Variants in RNF144A observed in about 807,000 individuals in gnomAD.
RNF144A encodes the protein E3 ubiquitin-protein ligase RNF144A.
Under a neutral mutation model 38.7 loss-of-function variants are expected in RNF144A, and 11 were observed. The ratio of observed to expected loss-of-function variants is 0.28; its 90% CI spans 0.18 to 0.47. The LOEUF is 0.47. Ranked by LOEUF, RNF144A falls within the 20% of genes least tolerant of loss-of-function variation. The pLI, the probability that RNF144A is intolerant of heterozygous loss-of-function variation, is 0.99. For missense variants in RNF144A, 316 were observed against 377.2 expected (o/e 0.84, Z 1.34); for synonymous variants, 149 against 143.9 (o/e 1.04, Z -0.25).
intron 1 of RNF144A, among the ~76,000 whole-genome samples, chr2:6,935,235 C>A (rs779702858): frequency 2.0e-5 from 3 of 152,208 alleles, no homozygotes; most frequent in African/African-American, 4.8e-5. Flanking sequence ...ATCTGCATAG[C>A]GGGCCATTTC....
chr2:6,995,976 GC>G (rs35264046), intron 2 of RNF144A, among the ~76,000 whole-genome samples: 52,560 of 151,996 alleles, frequency 0.35, 9,628 homozygotes, highest in Middle Eastern at 0.42. Flanking sequence ...GGGATTATCA[GC>G]CCCCTCATGT....
At chr2:7,065,457 G>A (rs1344085717) in intron 6 of RNF144A, among the ~76,000 whole-genome samples, 1 of 152,198 alleles carries the variant, frequency 6.6e-6, no homozygotes, top group Non-Finnish European at 1.5e-5. Context: ...CCAAACTTTT[G>A]TGGAAAAAGG....
chr2:6,933,757 CAT>C (rs1277790948), intron 1 of RNF144A, among the ~76,000 whole-genome samples: 1 of 150,994 alleles, frequency 6.6e-6, no homozygotes, highest in Non-Finnish European at 1.5e-5. Flanking sequence ...ATAGTGTATA[CAT>C]ATTTTTGTAG....
chr2:7,014,643 G>T (rs1210296923), intron 4 of RNF144A, 69 bp from the exon 5 acceptor site: 1 of 1,534,372 alleles, frequency 6.5e-7, no homozygotes, highest in Non-Finnish European at 9.0e-7. Context: ...GTTTTGTTTG[G>T]GTGTGCGTTG....
At chr2:6,983,450 C>T (rs923883534) in intron 2 of RNF144A, among the ~76,000 whole-genome samples, 4 of 152,216 alleles carry the variant, frequency 2.6e-5, no homozygotes, top group Admixed American at 1.3e-4. Context: ...CAGCATCACG[C>T]CTCTGGCCAT....
chr2:6,974,187 T>C (rs771903892), intron 2 of RNF144A, among the ~76,000 whole-genome samples: 8 of 152,236 alleles, frequency 5.3e-5, no homozygotes, highest in Non-Finnish European at 4.4e-5. Context: ...ATAGTATTGA[T>C]TTCTCAAGAA....
chr2:7,075,309 C>G, the RNF144A span, among the ~76,000 whole-genome samples: 1 of 148,098 alleles, frequency 6.8e-6, no homozygotes, highest in African/African-American at 2.5e-5. Flanking sequence ...GTTCTCTTCT[C>G]ATGGGCCAGT....
intron 1 of RNF144A, among the ~76,000 whole-genome samples, chr2:6,940,568 A>G (rs978169352): frequency 7.2e-5 from 11 of 151,754 alleles, no homozygotes; most frequent in African/African-American, 2.7e-4. Context: ...ATTTTATTAT[A>G]TACTTCTGAG....
intron 6 of RNF144A, among the ~76,000 whole-genome samples, chr2:7,023,050 A>G (rs1233824698): frequency 6.6e-6 from 1 of 152,194 alleles, no homozygotes. Context: ...AATCCTCACA[A>G]CCGTCTGTAG....
intron 6 of RNF144A, among the ~76,000 whole-genome samples, chr2:7,065,107 C>G (rs1230450181): frequency 6.6e-6 from 1 of 152,252 alleles, no homozygotes; most frequent in Non-Finnish European, 1.5e-5. Flanking sequence ...AGGTACCACT[C>G]TGAGCATTTT....
chr2:6,946,590 A>G (rs1055879835), intron 2 of RNF144A, among the ~76,000 whole-genome samples: 1 of 152,040 alleles, frequency 6.6e-6, no homozygotes, highest in Non-Finnish European at 1.5e-5. Context: ...ATAAGGTGAA[A>G]CCTCTTCTGG....
rs916679382 is a variant in RNF144A, at chr2:6,958,949, G to A, written c.-12+17802G>A. On this transcript the variant is annotated intron_variant, in intron 2 of 8. Coordinates refer to ENST00000320892, the MANE Select transcript of RNF144A (RefSeq NM_014746.6). The surrounding 1 kb of genome is among the most constrained non-coding windows in gnomAD (Gnocchi z 4.5). ...CAGTGACTCCCTAAATGGTGCATTA[G>A]ATCATCTTGCAGGTGCAGCGTGGGC... Among the ~76,000 whole-genome samples, 5 of 152,212 alleles carry A rather than the reference G, an allele frequency of 3.3e-5. No homozygotes were observed. The South Asian group carries it at 1.0e-3, about 32-fold the overall frequency.
chr2:6,994,860 C>T (rs903738752), intron 2 of RNF144A, among the ~76,000 whole-genome samples: 1 of 152,220 alleles, frequency 6.6e-6, no homozygotes, highest in Non-Finnish European at 1.5e-5. Flanking sequence ...GCGCAGATTC[C>T]CAGTGCAGAT....
rs565134848 is a variant in RNF144A, at chr2:7,065,456, T to C, written c.735-2760T>C. On this transcript the variant is annotated intron_variant, in intron 6 of 6. Coordinates refer to the RNF144A transcript ENST00000432850. ...AAGATTCTTTCCTTGGCCAAACTTT[T>C]GTGGAAAAAGGATGCTGGAAAAGAA... Among the ~76,000 whole-genome samples the C allele has an allele frequency of 4.6e-5, 7 of 152,362 alleles. No individual in the cohort carries two copies. In the South Asian group the frequency reaches 1.0e-3, roughly 23 times the overall value.
chr2:6,959,541 G>A (rs1558384547), intron 2 of RNF144A, among the ~76,000 whole-genome samples: 2 of 152,138 alleles, frequency 1.3e-5, no homozygotes, highest in Non-Finnish European at 2.9e-5. Context: ...GGAAGTCCGG[G>A]ATCAGGTGAC....
intron 1 of RNF144A, among the ~76,000 whole-genome samples, chr2:6,928,553 C>T (rs1038509596): frequency 1.3e-5 from 2 of 152,184 alleles, no homozygotes; most frequent in Non-Finnish European, 1.5e-5. Context: ...ACTAGACGTG[C>T]CCCCAGGCCA....
At chr2:6,960,522 C>T (rs191262114) in intron 2 of RNF144A, among the ~76,000 whole-genome samples, 479 of 152,296 alleles carry the variant, frequency 3.1e-3, no homozygotes, top group Admixed American at 5.6e-3. Context: ...TCACAACACA[C>T]AACCGGGGAA....
chr2:6,980,602 GGCTCTGTAGGGTACAGCC>G (rs1420322795), intron 2 of RNF144A, among the ~76,000 whole-genome samples: 1 of 152,236 alleles, frequency 6.6e-6, no homozygotes, highest in Non-Finnish European at 1.5e-5. Flanking sequence ...CTGCCTCTGT[GGCTCTGTAGGGTACAGCC>G]GCTGCAGCTG....
At chr2:6,965,137 A>T (rs1297259007) in intron 2 of RNF144A, among the ~76,000 whole-genome samples, 1 of 152,090 alleles carries the variant, frequency 6.6e-6, no homozygotes, top group African/African-American at 2.4e-5. Flanking sequence ...CAAATTTCAA[A>T]TGTTTGCTCC....
Sources: allele counts gnomAD v4.1 joint callset (sites outside exome capture counted in the v4.1 genomes callset), GRCh38; gene constraint gnomAD v4.1.1; non-coding constraint Gnocchi (gnomAD v3.1); transcripts MANE v1.5; gene names NCBI Gene and HGNC (gene_info 2026-07-23, HGNC 2026-07-21).